AXDND1: variants seen among roughly 807,000 people sequenced by gnomAD.
AXDND1 encodes axonemal dynein light chain domain containing 1.
In AXDND1, 110 loss-of-function variants were observed where a neutral mutation model predicts 137.5. The observed-to-expected ratio is 0.80, with a 90% CI of 0.69 to 0.94. The LOEUF is 0.94. AXDND1 is among the 40% of genes least tolerant of loss of function. The probability of loss-of-function intolerance (pLI) is 0.00; values close to 1 mark genes in which losing one functional copy is unlikely to be tolerated. For synonymous variants in AXDND1, 414 were observed against 399.7 expected (o/e 1.04, Z -0.43); for missense variants, 1,191 against 1,169.8 (o/e 1.02, Z -0.26).
At chr1:179,495,352 T>G (rs2125592437) in intron 20 of AXDND1, among the ~76,000 whole-genome samples, 1 of 152,296 alleles carries the variant, frequency 6.6e-6, no homozygotes, top group Admixed American at 6.5e-5. Context: ...TGTTTGTCTT[T>G]ATTTCTTTAA....
At chr1:179,554,423 A>G in intron 25 of AXDND1, 89 bp from the exon 26 acceptor site, 1 of 1,608,656 alleles carries the variant, frequency 6.2e-7, no homozygotes, top group African/African-American at 1.3e-5. Context: ...TTAAAATGAA[A>G]CCAGAATATT....
chr1:179,446,934 G>C (rs771885319), intron 16 of AXDND1, among the ~76,000 whole-genome samples: 1 of 151,750 alleles, frequency 6.6e-6, no homozygotes, highest in Non-Finnish European at 1.5e-5. Flanking sequence ...AAATTGATTG[G>C]AAGTGTATTA....
chr1:179,441,130 C>T (rs929379862), intron 15 of AXDND1, among the ~76,000 whole-genome samples: 3 of 152,144 alleles, frequency 2.0e-5, no homozygotes, highest in Admixed American at 1.3e-4. Context: ...GGCCCAAGTC[C>T]AGGCCCTTGT....
intron 6 of AXDND1, among the ~76,000 whole-genome samples, chr1:179,381,979 C>T (rs1279807948): frequency 2.6e-5 from 3 of 117,090 alleles, no homozygotes; most frequent in Admixed American, 1.0e-4. Flanking sequence ...TTTTTAGTAG[C>T]GACGGGGTTT....
intron 15 of AXDND1, among the ~76,000 whole-genome samples, chr1:179,438,205 T>C (rs4424468): frequency 0.67 from 98,441 of 147,666 alleles, 32,232 homozygotes; most frequent in Middle Eastern, 0.71. Flanking sequence ...ACAAAGGTGA[T>C]GTTGGATGTG....
chr1:179,444,372 C>T (rs1659429413), intron 15 of AXDND1, among the ~76,000 whole-genome samples: 1 of 152,084 alleles, frequency 6.6e-6, no homozygotes, highest in Non-Finnish European at 1.5e-5. Flanking sequence ...TTTCAAAGTT[C>T]TTACTCCTAA....
chr1:179,433,926 C>T (rs1016325299), intron 15 of AXDND1, among the ~76,000 whole-genome samples: 20 of 152,234 alleles, frequency 1.3e-4, no homozygotes, highest in African/African-American at 4.6e-4. Context: ...TTTTCTGTCT[C>T]ATCAATCTGT....
chr1:179,441,140 T>G (rs971615665), intron 15 of AXDND1, among the ~76,000 whole-genome samples: 1 of 152,166 alleles, frequency 6.6e-6, no homozygotes, highest in East Asian at 1.9e-4. Flanking sequence ...CAGGCCCTTG[T>G]CTCGTTACCC....
chr1:179,548,761 G>A lies in AXDND1; in HGVS notation c.3032-5751G>A, dbSNP rs371024341. Reference sequence around the variant, plus strand: ...AATGACCTGCTGAGCCTTCTAGATAGGAGAGTCCAAACTGCAGAGCGCCCA... The same window carrying A: ...AATGACCTGCTGAGCCTTCTAGATAAGAGAGTCCAAACTGCAGAGCGCCCA... On this transcript the variant is annotated intron_variant, in intron 25 of 25. Transcript: ENST00000367618. The A allele has an allele frequency of 4.6e-5, 7 of 152,320 alleles. No homozygotes were observed. The East Asian group carries it at 1.2e-3, about 25-fold the overall frequency. The allele number at this position is 152,320 out of a possible 1,614,324, so 9.4% of individuals were successfully genotyped here.
In AXDND1 at chr1:179,386,774, G is replaced by C. The variant is rs1022320117; in HGVS notation, c.863+1415G>C. On this transcript the variant is annotated intron_variant, in intron 9 of 25. Transcript: ENST00000367618. ...GAGTCTTGCTCTGTTACCCAGGCTG[G>C]AGTGCAGTGGCATGATCTTGGCTCA... 5.3e-5 allele frequency among the ~76,000 whole-genome samples: 8 copies of C among 152,094 alleles called. No homozygotes were observed. In the East Asian group the frequency reaches 1.4e-3, roughly 26 times the overall value.
In AXDND1 at chr1:179,415,482, CA is replaced by C. The variant is rs199876959; in HGVS notation, c.1230+4223del. 3.9e-3 allele frequency among the ~76,000 whole-genome samples: 598 copies of C among 152,026 alleles called. 5 individuals carry two copies. Among genetic ancestry groups the C allele is most frequent in the African/African-American group, 0.013 (554 of 41,492 alleles). On this transcript the variant is annotated intron_variant, in intron 12 of 25. Coordinates refer to ENST00000367618, the MANE Select transcript of AXDND1 (RefSeq NM_144696.6). ...TTAGAAGAAATTACATGAGAATTTT[CA>C]AAAAAATAGTAGCTTTTGTGACATA... is the stretch of plus-strand genomic sequence containing the variant.
chr1:179,514,747 A>C (rs1207506263), intron 21 of AXDND1, among the ~76,000 whole-genome samples: 1 of 152,134 alleles, frequency 6.6e-6, no homozygotes, highest in South Asian at 2.1e-4. Flanking sequence ...TGGGAGCACC[A>C]GTGTTAGGTG....
In AXDND1 at chr1:179,505,897, G is replaced by A. The variant is rs577092519; in HGVS notation, c.2389-3399G>A. Among the ~76,000 whole-genome samples the A allele has an allele frequency of 5.7e-4, 87 of 152,224 alleles. 1 individual carries two copies. Among genetic ancestry groups the A allele is most frequent in the African/African-American group, 2.0e-3 (85 of 41,546 alleles). ...TTGATCCAGTCTGACCTCATACAGC[G>A]GGAGGCCATTTTTTAGGAGGACTCA... On this transcript the variant is annotated intron_variant, in intron 20 of 25. Coordinates refer to ENST00000367618, the MANE Select transcript of AXDND1 (RefSeq NM_144696.6).
intron 16 of AXDND1, among the ~76,000 whole-genome samples, chr1:179,464,050 A>G (rs1394394112): frequency 6.6e-6 from 1 of 152,068 alleles, no homozygotes; most frequent in African/African-American, 2.4e-5. Context: ...CAGCACACTG[A>G]TGGGTCTTGA....
intron 12 of AXDND1, among the ~76,000 whole-genome samples, chr1:179,418,579 C>A (rs1347659035): frequency 6.6e-6 from 1 of 151,556 alleles, no homozygotes; most frequent in Non-Finnish European, 1.5e-5. Context: ...GGCAGAGGCA[C>A]CCCTCACCTC....
intron 18 of AXDND1, among the ~76,000 whole-genome samples, chr1:179,490,035 C>A (rs571750408): frequency 4.6e-5 from 7 of 152,172 alleles, no homozygotes; most frequent in Non-Finnish European, 1.0e-4. Context: ...TGAGCCACCG[C>A]GCCCGGCCTA....
chr1:179,447,289 C>T (rs995367158), intron 16 of AXDND1, among the ~76,000 whole-genome samples: 15 of 151,474 alleles, frequency 9.9e-5, no homozygotes, highest in African/African-American at 3.7e-4. Context: ...TTTTAGGTTC[C>T]ACACATGAGT....
At chr1:179,391,111 C>CTTCTT (rs1330789690) in intron 9 of AXDND1, among the ~76,000 whole-genome samples, 5 of 127,892 alleles carry the variant, frequency 3.9e-5, no homozygotes, top group Admixed American at 2.9e-4. Context: ...CAGACTTCTT[C>CTTCTT]TTTTTTTTTT....
At chr1:179,536,096 A>G (rs1671528221) in intron 25 of AXDND1, among the ~76,000 whole-genome samples, 1 of 151,990 alleles carries the variant, frequency 6.6e-6, no homozygotes, top group Non-Finnish European at 1.5e-5. Flanking sequence ...AAATTTGTTG[A>G]AGTTCTTTGT....
Sources: gnomAD v4.1 joint callset for allele counts (sites outside exome capture counted in the v4.1 genomes callset) on GRCh38, gnomAD v4.1.1 for gene constraint, MANE v1.5 for transcripts, NCBI Gene and HGNC (gene_info 2026-07-23, HGNC 2026-07-21) for gene names.